Variants in RSRC1 observed in about 807,000 individuals in gnomAD.
RSRC1 encodes arginine and serine rich coiled-coil 1.
A neutral mutation model predicts 49.1 loss-of-function variants in RSRC1; 39 were observed. The observed-to-expected ratio is 0.79, with a 90% CI of 0.61 to 1.04. The LOEUF (loss-of-function observed/expected upper bound fraction) is 1.04. Ranked by LOEUF, RSRC1 falls within the 50% of genes least tolerant of loss-of-function variation. The pLI, the probability that RSRC1 is intolerant of heterozygous loss-of-function variation, is 0.00. For synonymous variants in RSRC1, 143 were observed against 130.8 expected, an observed-to-expected ratio of 1.09 and a Z score of -0.63; for missense variants, 388 against 402.4, an observed-to-expected ratio of 0.96 and a Z score of 0.31.
chr3:158,349,791 G>A (rs1487904382), intron 5 of RSRC1, among the ~76,000 whole-genome samples: 3 of 144,556 alleles, frequency 2.1e-5, no homozygotes, highest in African/African-American at 7.7e-5. Context: ...TCTGCCTCGC[G>A]GGTTCAGGCG....
Position 158,315,502 on chromosome 3 carries a change from T to C in RSRC1, c.531+17427T>C, listed in dbSNP as rs76637228. On this transcript the variant is annotated intron_variant, in intron 5 of 9. Transcript: ENST00000611884. ...TTCAAGATCCCACAGCTTATAGATG[T>C]CAGCTGTGCAACTCAAACCTAGACC... Among the ~76,000 whole-genome samples, 1,360 of 152,288 alleles carry C rather than the reference T, an allele frequency of 8.9e-3. 19 individuals carry two copies. The highest frequency in any genetic ancestry group is 0.031 in the African/African-American group (1,304 of 41,568).
chr3:158,193,449 T>A (rs73166305), intron 3 of RSRC1, among the ~76,000 whole-genome samples: 1 of 152,006 alleles, frequency 6.6e-6, no homozygotes, highest in Non-Finnish European at 1.5e-5. Flanking sequence ...TAGAATTTTA[T>A]TAATGTTTAA....
At chr3:158,142,048 A>C (rs369636666) in intron 3 of RSRC1, among the ~76,000 whole-genome samples, 2 of 152,338 alleles carry the variant, frequency 1.3e-5, no homozygotes, top group African/African-American at 2.4e-5. Context: ...CAGTGAGCCA[A>C]GAGTGTGCCA....
At chr3:158,303,373 C>G (rs1727673660) in intron 5 of RSRC1, 4 of 152,166 alleles carry the variant, frequency 2.6e-5, no homozygotes, top group African/African-American at 9.7e-5. Context: ...TATGATGTTT[C>G]TAAAGCTTCC....
intron 6 of RSRC1, among the ~76,000 whole-genome samples, chr3:158,397,206 G>A (rs1733660176): frequency 6.6e-6 from 1 of 152,130 alleles, no homozygotes; most frequent in African/African-American, 2.4e-5. Flanking sequence ...CTAGAACACT[G>A]TTGTCCTTTG....
intron 6 of RSRC1, among the ~76,000 whole-genome samples, chr3:158,434,734 A>G (rs919356942): frequency 6.6e-5 from 10 of 151,986 alleles, no homozygotes; most frequent in Non-Finnish European, 1.3e-4. Flanking sequence ...CTCTAACCCC[A>G]CTAACATTGA....
At chr3:158,451,822 T>C (rs1737058596) in intron 6 of RSRC1, among the ~76,000 whole-genome samples, 1 of 152,050 alleles carries the variant, frequency 6.6e-6, no homozygotes, top group East Asian at 1.9e-4. Context: ...TTAGGTGAGC[T>C]ACTGTATTTT....
chr3:158,370,828 G>A (rs1732027843), intron 6 of RSRC1, among the ~76,000 whole-genome samples: 1 of 151,856 alleles, frequency 6.6e-6, no homozygotes, highest in Admixed American at 6.6e-5. Context: ...ATAGTAAGTG[G>A]AGCTATAACT....
chr3:158,118,274 A>C (rs115207292), intron 1 of RSRC1, among the ~76,000 whole-genome samples: 3,827 of 151,944 alleles, frequency 0.025, 147 homozygotes, highest in African/African-American at 0.088. Flanking sequence ...TTTTAGAGAC[A>C]ACATCTTGCT....
chr3:158,209,245 A>G (rs947180433), intron 4 of RSRC1, among the ~76,000 whole-genome samples: 1 of 152,098 alleles, frequency 6.6e-6, no homozygotes, highest in Non-Finnish European at 1.5e-5. Flanking sequence ...TCCCTCATGA[A>G]TGGATTAATG....
intron 5 of RSRC1, among the ~76,000 whole-genome samples, chr3:158,314,525 T>C (rs1439646840): frequency 1.3e-5 from 2 of 152,206 alleles, no homozygotes; most frequent in Non-Finnish European, 2.9e-5. Context: ...ATGCTGGATT[T>C]AGCAGGTGTC....
intron 3 of RSRC1, chr3:158,136,713 T>C (rs2108189007): frequency 6.6e-6 from 1 of 152,326 alleles, no homozygotes; most frequent in African/African-American, 2.4e-5. Context: ...TTTTGCAGAG[T>C]GTTTTTTCTT....
intron 1 of RSRC1, among the ~76,000 whole-genome samples, chr3:158,119,875 G>C (rs1454064237): frequency 6.3e-5 from 8 of 127,476 alleles, no homozygotes; most frequent in African/African-American, 2.5e-4. Context: ...CTGTCACCCA[G>C]GCTGGAGTGC....
intron 6 of RSRC1, among the ~76,000 whole-genome samples, chr3:158,429,694 A>C (rs1211532970): frequency 1.3e-5 from 2 of 151,376 alleles, no homozygotes; most frequent in Non-Finnish European, 2.9e-5. Flanking sequence ...AATAGTATCC[A>C]ACCTGAAAAT....
chr3:158,311,732 G>A (rs942329437), intron 5 of RSRC1, among the ~76,000 whole-genome samples: 1 of 151,810 alleles, frequency 6.6e-6, no homozygotes, highest in Non-Finnish European at 1.5e-5. Context: ...CACAAAAAAG[G>A]TAAATATATA....
intron 6 of RSRC1, among the ~76,000 whole-genome samples, chr3:158,413,519 CA>C (rs1217475504): frequency 2.6e-4 from 39 of 152,076 alleles, no homozygotes; most frequent in African/African-American, 9.4e-4. Context: ...AGCTTCTGCA[CA>C]GCAAAAGAAA....
intron 6 of RSRC1, among the ~76,000 whole-genome samples, chr3:158,454,803 G>A (rs6789607): frequency 0.1 from 15,949 of 152,044 alleles, 2,873 homozygotes; most frequent in African/African-American, 0.37. Context: ...GACAATCCCT[G>A]TAATCCTGTC....
intron 7 of RSRC1, among the ~76,000 whole-genome samples, chr3:158,476,086 A>G (rs1425746768): frequency 6.6e-6 from 1 of 152,164 alleles, no homozygotes; most frequent in Non-Finnish European, 1.5e-5. Context: ...GAAGATCTAG[A>G]TAGAAGATCA....
At chr3:158,458,730 T>C (rs1737472046) in intron 6 of RSRC1, among the ~76,000 whole-genome samples, 1 of 152,182 alleles carries the variant, frequency 6.6e-6, no homozygotes, top group South Asian at 2.1e-4. Context: ...TTGTTCGTTA[T>C]GCTCTTTGGT....
Sources: allele counts gnomAD v4.1 joint callset (sites outside exome capture counted in the v4.1 genomes callset), GRCh38; gene constraint gnomAD v4.1.1; transcripts MANE v1.5; gene names NCBI Gene and HGNC (gene_info 2026-07-23, HGNC 2026-07-21).